Variants in PRUNE1 observed in about 807,000 individuals in gnomAD.
The protein encoded by PRUNE1 is prune exopolyphosphatase 1.
Under a neutral mutation model 42.5 loss-of-function variants are expected in PRUNE1, and 25 were observed. The observed-to-expected ratio is 0.59, with a 90% confidence interval of 0.43 to 0.82. The LOEUF is 0.82. Among genes scored for constraint, PRUNE1 ranks in the 40% least tolerant of loss-of-function variants. The pLI, the probability that PRUNE1 is intolerant of heterozygous loss-of-function variation, is 0.00. For missense variants in PRUNE1, 443 were observed against 539.3 expected, an observed-to-expected ratio of 0.82 and a Z score of 1.77; for synonymous variants, 203 against 217.1, an observed-to-expected ratio of 0.93 and a Z score of 0.57.
intron 3 of PRUNE1, chr1:151,022,875 C>T (rs1433846794): frequency 6.6e-6 from 1 of 152,042 alleles, no homozygotes; most frequent in African/African-American, 2.4e-5. Context: ...TGAAAGAGGA[C>T]TAGGTGTTTG....
chr1:151,008,570 A>T lies in PRUNE1; in HGVS notation c.-63A>T. On this transcript the variant is annotated 5_prime_UTR_variant, in exon 1 of 8. Transcript: ENST00000271620. ...CGGGCGGGCTGCATTCGTCGGGGAA[A>T]CCTCTCCTCGACCAGGGGCACCTCT... 2 of 1,593,984 alleles carry T rather than the reference A, an allele frequency of 1.3e-6. No individual in the cohort carries two copies. The highest frequency in any genetic ancestry group is 1.7e-4 in the Middle Eastern group (1 of 6,020).
Position 151,027,747 on chromosome 1 carries a change from AGTGTGT to A in PRUNE1, c.774+450_774+455del, listed in dbSNP as rs3034003. ...CAGGTGCACACCACCACACCTAACT[AGTGTGT>A]GTGTGTGTGTGTGTGTGTGTGTGTG... On this transcript the variant is annotated intron_variant, in intron 6 of 7. Coordinates refer to ENST00000271620, the MANE Select transcript of PRUNE1 (RefSeq NM_021222.3). Among the ~76,000 whole-genome samples, 532 of 130,932 alleles carry A rather than the reference AGTGTGT, an allele frequency of 4.1e-3. 3 individuals are homozygous for A. The highest frequency in any genetic ancestry group is 0.012 in the African/African-American group (446 of 36,504). 85.9% of individuals were successfully genotyped at this position (130,932 alleles called of 152,430 possible). A position where few individuals can be genotyped will look rare whatever the true frequency, so the allele number is the denominator to read the frequency against.
intron 1 of PRUNE1, among the ~76,000 whole-genome samples, chr1:151,017,328 A>G (rs1433264201): frequency 1.3e-5 from 2 of 152,164 alleles, no homozygotes; most frequent in Non-Finnish European, 2.9e-5. Context: ...CAAACTGGAT[A>G]TAGGTAGAAT....
chr1:151,026,035 C>T (rs1446288884), intron 5 of PRUNE1, among the ~76,000 whole-genome samples: 5 of 151,974 alleles, frequency 3.3e-5, no homozygotes, highest in African/African-American at 1.2e-4. Context: ...GCCACCGCGC[C>T]TGGCCAATTA....
At position 151,009,839 on chromosome 1, in the gene PRUNE1, C is replaced by T. The variant is rs144777180; in HGVS notation, c.39+1168C>T. ...TGCATAAGGCCATTTGGAACCAATC[C>T]CTTTTTGTTACCTCTGAGTCCACCA... On this transcript the variant is annotated intron_variant, in intron 1 of 7. Transcript: ENST00000271620. Among the ~76,000 whole-genome samples the T allele has an allele frequency of 3.2e-3, 485 of 152,178 alleles. 6 individuals are homozygous for T. The highest frequency in any genetic ancestry group is 3.4e-3 in the Middle Eastern group (1 of 294).
intron 7 of PRUNE1, among the ~76,000 whole-genome samples, chr1:151,029,917 C>T (rs1287948525): frequency 1.3e-5 from 2 of 151,970 alleles, no homozygotes; most frequent in Admixed American, 6.6e-5. Flanking sequence ...TTTCCTACTT[C>T]CTCCCCCTTC....
In PRUNE1 at chr1:151,024,695, T is replaced by C. The variant is rs1558083619; in HGVS notation, c.420T>C (p.Val140=). ...IEPKHCPPCH[V]SVELVGSCAT... ...CGAAACACTGCCCTCCCTGCCATGT[T>C]TCAGTTGAGCTGGTGGGGTCCTGTG... Residue 140 remains valine (V), a synonymous_variant, in exon 4 of 8, where the codon GTT becomes GTC. Coordinates refer to ENST00000271620, the MANE Select transcript of PRUNE1 (RefSeq NM_021222.3). 6.2e-7 allele frequency: 1 copy of C among 1,614,016 alleles called. No homozygotes were observed. Among genetic ancestry groups the C allele is most frequent in the Non-Finnish European group, 8.5e-7 (1 of 1,180,002 alleles).
chr1:151,029,437 G>A (rs955453590), intron 7 of PRUNE1, among the ~76,000 whole-genome samples: 14 of 145,832 alleles, frequency 9.6e-5, no homozygotes, highest in Admixed American at 2.8e-4. Flanking sequence ...GCACAATCTC[G>A]GCTCACTGCA....
At chr1:151,014,477 A>G (rs1300435631) in intron 1 of PRUNE1, among the ~76,000 whole-genome samples, 2 of 152,210 alleles carry the variant, frequency 1.3e-5, no homozygotes, top group African/African-American at 4.8e-5. Context: ...GGGGCAATTG[A>G]TACCACCAGA....
At chr1:151,029,540 T>G (rs1282568841) in intron 7 of PRUNE1, among the ~76,000 whole-genome samples, 1 of 151,642 alleles carries the variant, frequency 6.6e-6, no homozygotes, top group Non-Finnish European at 1.5e-5. Flanking sequence ...GCTAATTTTT[T>G]GTATTTTTAG....
At chr1:151,017,092 C>CA (rs34772866) in intron 1 of PRUNE1, among the ~76,000 whole-genome samples, 19,877 of 75,910 alleles carry the variant, frequency 0.26, 1,903 homozygotes, top group East Asian at 0.52. Context: ...AACTCCATCT[C>CA]AAAAAAAAAA....
chr1:151,021,596 T>G (rs1674443085), intron 3 of PRUNE1, among the ~76,000 whole-genome samples: 1 of 152,234 alleles, frequency 6.6e-6, no homozygotes, highest in African/African-American at 2.4e-5. Context: ...TTCCTAAGTC[T>G]GTTTGGCTCC....
chr1:151,024,793 A>T lies in PRUNE1; in HGVS notation c.518A>T (p.His173Leu). ...ILDRQTAALLHGTIILDCVNM... is the reference protein window; with the variant it reads ...ILDRQTAALLLGTIILDCVNM... The stretch of plus-strand genomic sequence containing the variant: ...GACAGGCAAACTGCAGCCCTTCTGC[A>T]TGGTAAGGGTGGCTTTTGGATTGGG... The change falls in exon 4 of 8, where the codon CAT (histidine) becomes CTT (leucine). Residue 173 changes from histidine to leucine, a missense_variant and splice_region_variant. His to Leu is a moderately conservative substitution (Grantham distance 99). Coordinates refer to ENST00000271620, the MANE Select transcript of PRUNE1 (RefSeq NM_021222.3). The T allele has an allele frequency of 6.2e-7, 1 of 1,609,616 alleles. No homozygotes were observed. The highest frequency in any genetic ancestry group is 1.1e-5 in the South Asian group (1 of 90,606).
At chr1:151,009,212 G>A (rs955833445) in intron 1 of PRUNE1, among the ~76,000 whole-genome samples, 5 of 152,154 alleles carry the variant, frequency 3.3e-5, no homozygotes, top group African/African-American at 4.8e-5. Context: ...AGTAGTCACA[G>A]TATTTTACTT....
At chr1:151,027,180 C>A in intron 5 of PRUNE1, 53 bp from the exon 6 acceptor site, 1 of 1,388,242 alleles carries the variant, frequency 7.2e-7, no homozygotes, top group South Asian at 1.2e-5. Context: ...CCTTCTTGGT[C>A]TTGGGACCCT....
Position 151,033,937 on chromosome 1 carries a change from C to T in PRUNE1, c.1065C>T (p.Leu355=), listed in dbSNP as rs776238155. 3 of 1,614,128 alleles carry T rather than the reference C, an allele frequency of 1.9e-6. No individual in the cohort carries two copies. The East Asian group carries it at 6.7e-5, about 36-fold the overall frequency. Residue 355 remains leucine (L), a synonymous_variant, in exon 8 of 8, where the codon CTC becomes CTT. Coordinates refer to ENST00000271620, the MANE Select transcript of PRUNE1 (RefSeq NM_021222.3). ...CTCGAAAGAAACTTCTGCCCCTGCTCCAGGAAGCCCTGTCAGCATATTTTG... is the reference window on the plus strand; with the variant it reads ...CTCGAAAGAAACTTCTGCCCCTGCTTCAGGAAGCCCTGTCAGCATATTTTG... The part of the protein sequence containing the change: ...QVSRKKLLPL[L]QEALSAYFDS...
Position 151,030,262 on chromosome 1 carries a change from CAA to C in PRUNE1, c.933+1335_933+1336del, listed in dbSNP as rs779376441. 6.4e-3 allele frequency among the ~76,000 whole-genome samples: 552 copies of C among 85,976 alleles called. 3 individuals are homozygous for C. Among genetic ancestry groups the C allele is most frequent in the African/African-American group, 0.017 (460 of 26,830 alleles). The allele number at this position is 85,976 out of a possible 152,430, so 56.4% of individuals were successfully genotyped here. A position where few individuals can be genotyped will look rare whatever the true frequency, so the allele number is the denominator to read the frequency against. On this transcript the variant is annotated intron_variant, in intron 7 of 7. Transcript: ENST00000271620. ...TGCCAACAGAGCAAGACTCCGTCTC[CAA>C]AAAAAAAAAAAAAAAAGGTGGGCTT... is the stretch of plus-strand genomic sequence containing the variant.
intron 3 of PRUNE1, among the ~76,000 whole-genome samples, chr1:151,020,218 C>T (rs920234871): frequency 3.5e-5 from 5 of 141,940 alleles, no homozygotes; most frequent in Admixed American, 1.4e-4. Flanking sequence ...ACCACTATAG[C>T]GAGACCCTGT....
chr1:151,026,021 A>C (rs587595620), intron 5 of PRUNE1, among the ~76,000 whole-genome samples: 28 of 151,348 alleles, frequency 1.9e-4, no homozygotes, highest in Non-Finnish European at 2.1e-4. Context: ...GATTACAGGC[A>C]TGAGCCACCG....
Sources: allele counts gnomAD v4.1 joint callset (sites outside exome capture counted in the v4.1 genomes callset), GRCh38; gene constraint gnomAD v4.1.1; transcripts MANE v1.5; gene names NCBI Gene and HGNC (gene_info 2026-07-23, HGNC 2026-07-21).